Variants in TEX101 observed in about 807,000 individuals in gnomAD.
TEX101 encodes testis-expressed protein 101.
A neutral mutation model predicts 18.1 loss-of-function variants in TEX101; 10 were observed. The ratio of observed to expected loss-of-function variants is 0.55; its 90% CI spans 0.34 to 0.94. The LOEUF (loss-of-function observed/expected upper bound fraction) is 0.94, where lower values mean the gene tolerates loss of function less well. TEX101 is among the 40% of genes least tolerant of loss of function. The pLI, the probability that TEX101 is intolerant of heterozygous loss-of-function variation, is 0.02. For synonymous variants in TEX101, 94 were observed against 114.8 expected, an observed-to-expected ratio of 0.82 and a Z score of 1.16; for missense variants, 259 against 298.9, an observed-to-expected ratio of 0.87 and a Z score of 0.98.
upstream of TEX101, among the ~76,000 whole-genome samples, chr19:43,411,243 A>G (rs1300259381): frequency 6.6e-6 from 1 of 151,962 alleles, no homozygotes; most frequent in African/African-American, 2.4e-5. Flanking sequence ...CGCCCAGCTA[A>G]TTTTTTCATT....
At chr19:43,400,474 A>G (rs893711694), upstream of TEX101, among the ~76,000 whole-genome samples, 1 of 152,216 alleles carries the variant, frequency 6.6e-6, no homozygotes, top group African/African-American at 2.4e-5. Context: ...GCCCTGATGC[A>G]TAATTACTTA....
At chr19:43,416,634 C>G (rs907913839) in intron 4 of TEX101, 79 bp downstream of exon 4, 1 of 1,467,252 alleles carries the variant, frequency 6.8e-7, no homozygotes. Flanking sequence ...TGCATTCTGA[C>G]TTGGCTTAGC....
intron 3 of TEX101, chr19:43,406,569 T>C (rs1568456201): frequency 1.5e-6 from 1 of 653,380 alleles, no homozygotes; most frequent in Middle Eastern, 2.7e-4. Flanking sequence ...TAATTGTTTT[T>C]TCACTAACCT....
At chr19:43,413,155 C>G (rs998854292), upstream of TEX101, among the ~76,000 whole-genome samples, 1 of 152,210 alleles carries the variant, frequency 6.6e-6, no homozygotes, top group African/African-American at 2.4e-5. Flanking sequence ...GTTTCCCACG[C>G]TTGCTCGATT....
the TEX101 span, among the ~76,000 whole-genome samples, chr19:43,394,668 C>T: frequency 6.6e-6 from 1 of 152,134 alleles, no homozygotes; most frequent in Non-Finnish European, 1.5e-5. Flanking sequence ...GACGGGGTTT[C>T]ACCGTGTTAG....
the TEX101 span, among the ~76,000 whole-genome samples, chr19:43,389,533 TG>T: frequency 6.6e-6 from 1 of 152,190 alleles, no homozygotes; most frequent in South Asian, 2.1e-4. Flanking sequence ...GCCTGTGGTT[TG>T]GTCCTTGCCC....
chr19:43,394,681 A>G, the TEX101 span, among the ~76,000 whole-genome samples: 4 of 152,156 alleles, frequency 2.6e-5, no homozygotes, highest in East Asian at 5.8e-4. Flanking sequence ...CGTGTTAGCC[A>G]GGATGGTCTG....
rs2122354640 is a variant in TEX101 at position 43,417,960 on chromosome 19, C to T, written c.474C>T (p.Pro158=). Reference sequence around the variant, plus strand: ...TCAGTGCTCCTTCTCTTCCCTGTCCCAATGGTACAACTCGATGCTATCAAG... The same window carrying T: ...TCAGTGCTCCTTCTCTTCCCTGTCCTAATGGTACAACTCGATGCTATCAAG... ...TCFSAPSLPC[P]NGTTRCYQGK... Residue 158 remains proline, a synonymous_variant, in exon 5 of 6, where the codon CCC becomes CCT. Coordinates refer to ENST00000598265, the MANE Select transcript of TEX101 (RefSeq NM_001130011.3). 1.2e-6 allele frequency: 2 copies of T among 1,614,142 alleles called. No individual in the cohort carries two copies. The highest frequency in any genetic ancestry group is 1.7e-6 in the Non-Finnish European group (2 of 1,180,028).
upstream of TEX101, among the ~76,000 whole-genome samples, chr19:43,401,160 C>CA (rs371515917): frequency 4.6e-5 from 7 of 152,008 alleles, no homozygotes; most frequent in African/African-American, 1.7e-4. Context: ...AGTAAACAGA[C>CA]AAAAAAATGC....
chr19:43,416,043 A>G lies in TEX101; in HGVS notation c.65-56A>G, dbSNP rs561875651. On this transcript the variant is annotated intron_variant, in intron 2 of 5. Transcript: ENST00000598265. Reference sequence around the variant, plus strand: ...CACAGAAGGTGGACTGATGATGAAAAGGGAGCCGCCTTGGCCCATGGAGAA... The same window carrying G: ...CACAGAAGGTGGACTGATGATGAAAGGGGAGCCGCCTTGGCCCATGGAGAA... 3.2e-5 allele frequency: 51 copies of G among 1,611,072 alleles called. No individual in the cohort carries two copies. The Admixed American group carries it at 6.2e-4, about 20-fold the overall frequency.
chr19:43,391,848 A>C, the TEX101 span, among the ~76,000 whole-genome samples: 2 of 152,256 alleles, frequency 1.3e-5, no homozygotes, highest in African/African-American at 4.8e-5. Context: ...CTGGTTAGTC[A>C]GCAGGTGAGT....
At chr19:43,392,590 G>A in the TEX101 span, among the ~76,000 whole-genome samples, 25 of 152,112 alleles carry the variant, frequency 1.6e-4, no homozygotes, top group Admixed American at 5.9e-4. Context: ...GGGACATGGA[G>A]ACACCACGAT....
chr19:43,414,438 G>T (rs565971297), upstream of TEX101, among the ~76,000 whole-genome samples: 519 of 152,292 alleles, frequency 3.4e-3, 5 homozygotes, highest in Non-Finnish European at 6.3e-3. Flanking sequence ...CACTGCAAGT[G>T]AAGACTCAAG....
At chr19:43,390,450 C>CT in the TEX101 span, among the ~76,000 whole-genome samples, 48 of 62,814 alleles carry the variant, frequency 7.6e-4, no homozygotes, top group Middle Eastern at 0.012. Flanking sequence ...CTTTTCTTTT[C>CT]TTTTTTTTTC....
chr19:43,413,291 G>A (rs560423435), upstream of TEX101, among the ~76,000 whole-genome samples: 3 of 151,946 alleles, frequency 2.0e-5, no homozygotes, highest in Non-Finnish European at 4.4e-5. Context: ...CACGAGGTCA[G>A]GAGATCGAGA....
At chr19:43,408,007 G>A (rs1217173867) in intron 3 of TEX101, among the ~76,000 whole-genome samples, 2 of 152,214 alleles carry the variant, frequency 1.3e-5, no homozygotes, top group East Asian at 1.9e-4. Flanking sequence ...CTCCACACAG[G>A]CGTGTGTCCG....
chr19:43,406,081 C>CGAAAAAAAAAAAA (rs1970358959), intron 2 of TEX101: 1 of 58,814 alleles, frequency 1.7e-5, no homozygotes, highest in Non-Finnish European at 3.4e-5. Flanking sequence ...CCTGTCTCTA[C>CGAAAAAAAAAAAA]AAAAAAAAAA....
chr19:43,416,479 C>T lies in TEX101; in HGVS notation c.315C>T (p.Tyr105=), dbSNP rs1970480377. The change falls in exon 4 of 6, where the codon TAC becomes TAT. Residue 105 remains tyrosine (Y), a synonymous_variant. Transcript: ENST00000598265. ...CTCCCGGCCTGATCGTGACCTCCTA[C>T]AGTAACTACTGTGAGGATTCCTTCT... ...SSPPGLIVTS[Y]SNYCEDSFCN... is the part of the protein sequence containing the mutation. 1 of 1,614,092 alleles carries T rather than the reference C, an allele frequency of 6.2e-7. No homozygotes were observed. The highest frequency in any genetic ancestry group is 1.3e-5 in the African/African-American group (1 of 74,926).
At chr19:43,394,963 T>A in the TEX101 span, among the ~76,000 whole-genome samples, 5 of 152,202 alleles carry the variant, frequency 3.3e-5, no homozygotes, top group East Asian at 1.9e-4. Flanking sequence ...AAAAGATCAA[T>A]TTTAAAAAGG....
Sources: gnomAD v4.1 joint callset for allele counts (sites outside exome capture counted in the v4.1 genomes callset) on GRCh38, gnomAD v4.1.1 for gene constraint, MANE v1.5 for transcripts, NCBI Gene and HGNC (gene_info 2026-07-23, HGNC 2026-07-21) for gene names.